Variants in TRIM61 observed in about 807,000 individuals in gnomAD.
TRIM61 encodes the protein tripartite motif containing 61, also known as putative tripartite motif-containing protein 61.
In TRIM61, 1 loss-of-function variant was observed where a neutral mutation model predicts 14.2. That is an observed-to-expected ratio of 0.07 (90% CI 0.03 to 0.33). The LOEUF (loss-of-function observed/expected upper bound fraction) is 0.33, where lower values mean the gene tolerates loss of function less well. Ranked by LOEUF, TRIM61 falls within the 10% of genes least tolerant of loss-of-function variation. The probability of loss-of-function intolerance (pLI) is 0.99; values close to 1 mark genes in which losing one functional copy is unlikely to be tolerated. For synonymous variants in TRIM61, 8 were observed against 71.6 expected, an observed-to-expected ratio of 0.11 and a Z score of 4.49; for missense variants, 19 against 202.2, an observed-to-expected ratio of 0.09 and a Z score of 5.49.
chr4:164,965,496 C>T (rs1375195328), intron 3 of TRIM61, among the ~76,000 whole-genome samples: 7 of 143,972 alleles, frequency 4.9e-5, no homozygotes, highest in Non-Finnish European at 8.9e-5. Flanking sequence ...TGCAGTGGCG[C>T]GATCTCGGCT....
chr4:164,960,027 A>T (rs568479245), intron 3 of TRIM61, among the ~76,000 whole-genome samples: 1 of 152,320 alleles, frequency 6.6e-6, no homozygotes, highest in East Asian at 1.9e-4. Context: ...TTATAAAAAG[A>T]TGAAATTTTG....
At chr4:164,958,055 A>G (rs1732055200) in intron 3 of TRIM61, 1 of 166,772 alleles carries the variant, frequency 6.0e-6, no homozygotes, top group Non-Finnish European at 1.5e-5. Context: ...CGATTTGGAA[A>G]GACACCACAA....
chr4:164,956,482 T>C lies in TRIM61; in HGVS notation c.526-1386A>G, dbSNP rs139715761. On this transcript the variant is annotated intron_variant, in intron 3 of 4. Coordinates refer to ENST00000329314, the MANE Select transcript of TRIM61 (RefSeq NM_001012414.3). ...TTCTATCATTTGAATTAACAATCTTTATAACCCCAGCAACTTCTCCTGCCA... is the reference window on the plus strand; with the variant it reads ...TTCTATCATTTGAATTAACAATCTTCATAACCCCAGCAACTTCTCCTGCCA... Among the ~76,000 whole-genome samples, 532 of 152,344 alleles carry C rather than the reference T, an allele frequency of 3.5e-3. 6 individuals carry two copies. Among genetic ancestry groups the C allele is most frequent in the African/African-American group, 0.012 (506 of 41,572 alleles).
At chr4:164,970,412 C>G (rs1202430893) in intron 2 of TRIM61, 73 bp from the exon 3 acceptor site, 3 of 179,770 alleles carry the variant, frequency 1.7e-5, no homozygotes, top group Non-Finnish European at 1.2e-5. Flanking sequence ...CAAGAATCAT[C>G]AATGAATGCT....
chr4:164,975,235 A>G (rs1337468986), intron 2 of TRIM61, among the ~76,000 whole-genome samples: 1 of 152,134 alleles, frequency 6.6e-6, no homozygotes, highest in Non-Finnish European at 1.5e-5. Context: ...CATCTTAAAA[A>G]AAAAAAAAAG....
chr4:164,964,348 A>C (rs76388951), intron 3 of TRIM61, among the ~76,000 whole-genome samples: 1 of 121,510 alleles, frequency 8.2e-6, no homozygotes, highest in South Asian at 2.2e-4. Flanking sequence ...ACTCTGTCTC[A>C]AAAAAAAAAA....
At chr4:164,966,650 T>A (rs1338370191) in intron 3 of TRIM61, among the ~76,000 whole-genome samples, 1 of 152,188 alleles carries the variant, frequency 6.6e-6, no homozygotes, top group East Asian at 1.9e-4. Flanking sequence ...CAGTGGTTCA[T>A]GTCTGTAATT....
intron 3 of TRIM61, among the ~76,000 whole-genome samples, chr4:164,965,495 G>A (rs1168878208): frequency 1.4e-5 from 2 of 144,118 alleles, no homozygotes; most frequent in Non-Finnish European, 3.0e-5. Flanking sequence ...GTGCAGTGGC[G>A]CGATCTCGGC....
intron 3 of TRIM61, chr4:164,968,381 G>A (rs1732286730): frequency 1.0e-5 from 10 of 977,606 alleles, no homozygotes; most frequent in African/African-American, 3.5e-5. Context: ...GTATTTTACT[G>A]TAGAATTTCT....
rs1732001434 is a variant in TRIM61, at chr4:164,956,854, A to G, written c.526-1758T>C. On this transcript the variant is annotated intron_variant, in intron 3 of 4. Transcript: ENST00000329314. ...GCTCTCAAGGGGCTTCAGCACCCCA[A>G]GCACTGCAGCGTTTCTCCCAGGAGG... 6.0e-6 allele frequency: 4 copies of G among 668,230 alleles called. No individual in the cohort carries two copies. In the South Asian group the frequency reaches 6.0e-5, roughly 10 times the overall value. The allele number at this position is 668,230 out of a possible 1,614,324, so 41.4% of individuals were successfully genotyped here. A position where few individuals can be genotyped will look rare whatever the true frequency, so the allele number is the denominator to read the frequency against.
At chr4:164,975,334 A>C (rs1325881182) in intron 2 of TRIM61, among the ~76,000 whole-genome samples, 1 of 152,224 alleles carries the variant, frequency 6.6e-6, no homozygotes, top group East Asian at 1.9e-4. Context: ...CTTTTAAGAA[A>C]ACATATACAA....
chr4:164,963,744 C>CAAAAAAAAAAAAAAAAAAAAATAAAAAA (rs70952672), intron 3 of TRIM61, among the ~76,000 whole-genome samples: 1 of 117,116 alleles, frequency 8.5e-6, no homozygotes. Context: ...AACTCTGTTT[C>CAAAAAAAAAAAAAAAAAAAAATAAAAAA]AAAAAAAAAA....
chr4:164,968,174 G>C (rs1276282991), intron 3 of TRIM61, 107 bp downstream of exon 3: 7 of 984,288 alleles, frequency 7.1e-6, no homozygotes, highest in Non-Finnish European at 8.4e-6. Context: ...AAAAAGAAAA[G>C]AAAAGAAAAA....
intron 3 of TRIM61, chr4:164,957,104 G>C (rs777894351): frequency 3.8e-6 from 6 of 1,575,472 alleles, no homozygotes; most frequent in Non-Finnish European, 5.2e-6. Flanking sequence ...TGCAGGGTGG[G>C]CTGGGCGAGC....
rs75634308 is a variant in TRIM61, at chr4:164,971,590, C to CA, written c.-337-1252dup. ...TGGGTGACAGAGGGAAACTCTGTCT[C>CA]AAAAAAAAAAAAAAAAGTGTAAATA... On this transcript the variant is annotated intron_variant, in intron 2 of 4. Coordinates refer to ENST00000329314, the MANE Select transcript of TRIM61 (RefSeq NM_001012414.3). 7.1e-3 allele frequency among the ~76,000 whole-genome samples: 458 copies of CA among 64,296 alleles called. 4 individuals carry two copies. Among genetic ancestry groups the CA allele is most frequent in the East Asian group, 0.061 (137 of 2,254 alleles). The allele number at this position is 64,296 out of a possible 152,430, so 42.2% of individuals were successfully genotyped here.
At chr4:164,971,523 G>T (rs1452083464) in intron 2 of TRIM61, among the ~76,000 whole-genome samples, 1 of 151,780 alleles carries the variant, frequency 6.6e-6, no homozygotes, top group African/African-American at 2.4e-5. Context: ...CCCGAGAGGA[G>T]GAGGTTGTGG....
chr4:164,968,838 T>C (rs1560886263), intron 3 of TRIM61: 8 of 985,574 alleles, frequency 8.1e-6, no homozygotes, highest in Non-Finnish European at 9.6e-6. Flanking sequence ...GATCGCCAAA[T>C]TCCCCATAAT....
chr4:164,964,241 G>C (rs1444315801), intron 3 of TRIM61, among the ~76,000 whole-genome samples: 1 of 151,568 alleles, frequency 6.6e-6, no homozygotes, highest in African/African-American at 2.4e-5. Flanking sequence ...CCAGCTACTT[G>C]GGAGGCTGAG....
At chr4:164,971,504 T>C (rs1732363802) in intron 2 of TRIM61, among the ~76,000 whole-genome samples, 2 of 151,622 alleles carry the variant, frequency 1.3e-5, no homozygotes, top group South Asian at 2.1e-4. Context: ...GGCAGGAGAA[T>C]TGCTTGAACC....
Sources: gnomAD v4.1 joint callset for allele counts (sites outside exome capture counted in the v4.1 genomes callset) on GRCh38, gnomAD v4.1.1 for gene constraint, MANE v1.5 for transcripts, NCBI Gene and HGNC (gene_info 2026-07-23, HGNC 2026-07-21) for gene names.